NPNT: variants seen among roughly 807,000 people sequenced by gnomAD.
NPNT encodes nephronectin.
A neutral mutation model predicts 68.6 loss-of-function variants in NPNT; 45 were observed. The observed-to-expected ratio is 0.66, with a 90% CI of 0.52 to 0.84. The LOEUF is 0.84. Among genes scored for constraint, NPNT ranks in the 40% least tolerant of loss-of-function variants. The pLI, the probability that NPNT is intolerant of heterozygous loss-of-function variation, is 0.00. For missense variants in NPNT, 672 were observed against 714.8 expected (o/e 0.94, Z 0.68); for synonymous variants, 233 against 253.3 (o/e 0.92, Z 0.76).
intron 3 of NPNT, chr4:105,927,690 T>C (rs1209680851): frequency 1.0e-5 from 2 of 199,810 alleles, no homozygotes; most frequent in Admixed American, 5.5e-5. Flanking sequence ...ATCAGTAATT[T>C]AGAAGCCTTC....
At chr4:105,908,437 C>G (rs1399844770) in intron 2 of NPNT, among the ~76,000 whole-genome samples, 1 of 152,074 alleles carries the variant, frequency 6.6e-6, no homozygotes, top group Non-Finnish European at 1.5e-5. Flanking sequence ...TATTCACTTA[C>G]TCTGAAATGT....
chr4:105,936,838 G>A (rs1369360546), intron 3 of NPNT, among the ~76,000 whole-genome samples, 171 bp from the exon 4 acceptor site: 2 of 152,150 alleles, frequency 1.3e-5, no homozygotes, highest in African/African-American at 4.8e-5. Context: ...CTAGTGTAAC[G>A]TACCTTCAAA....
chr4:105,948,451 A>C (rs1284103966), intron 8 of NPNT, among the ~76,000 whole-genome samples: 3 of 152,138 alleles, frequency 2.0e-5, no homozygotes, highest in South Asian at 2.1e-4. Context: ...AATTGAGGGA[A>C]TATTCCCAGC....
chr4:105,895,840 A>C, intron 1 of NPNT, 117 bp downstream of exon 1: 3 of 902,332 alleles, frequency 3.3e-6, no homozygotes, highest in Non-Finnish European at 5.1e-6. Context: ...TCCATCCAGA[A>C]GTTGGGCCAC....
intron 2 of NPNT, among the ~76,000 whole-genome samples, chr4:105,925,642 C>G (rs1728624144): frequency 6.6e-6 from 1 of 152,174 alleles, no homozygotes; most frequent in Non-Finnish European, 1.5e-5. Context: ...TCAGGAGCTT[C>G]AAAATTCGGG....
At chr4:105,896,529 T>G (rs1241570658) in intron 1 of NPNT, among the ~76,000 whole-genome samples, 1 of 152,166 alleles carries the variant, frequency 6.6e-6, no homozygotes, top group Non-Finnish European at 1.5e-5. Context: ...AATTACAGAC[T>G]AGGCTCGTCC....
intron 7 of NPNT, among the ~76,000 whole-genome samples, chr4:105,941,132 A>C (rs1729917466): frequency 6.6e-6 from 1 of 152,060 alleles, no homozygotes; most frequent in African/African-American, 2.4e-5. Flanking sequence ...TGAGGGTAGG[A>C]GTTCAAGAGC....
In NPNT at chr4:105,971,325, A is replaced by T. The variant is rs1306042256; in HGVS notation, c.*2335A>T. 3.3e-6 allele frequency: 1 copy of T among 304,004 alleles called. No homozygotes were observed. The highest frequency in any genetic ancestry group is 6.9e-6 in the Non-Finnish European group (1 of 145,246). 18.8% of individuals were successfully genotyped at this position (304,004 alleles called of 1,614,324 possible). A position where few individuals can be genotyped will look rare whatever the true frequency, so the allele number is the denominator to read the frequency against. ...TAATATTTTTTGAACAATAGGTACAATAGAAGGTCTTCTGTCATTTAACCT... is the reference window on the plus strand; with the variant it reads ...TAATATTTTTTGAACAATAGGTACATTAGAAGGTCTTCTGTCATTTAACCT... On this transcript the variant is annotated 3_prime_UTR_variant, in exon 12 of 12. Coordinates refer to ENST00000379987, the MANE Select transcript of NPNT (RefSeq NM_001033047.3).
intron 6 of NPNT, 75 bp from the exon 7 acceptor site, chr4:105,940,438 TG>T: frequency 6.9e-7 from 1 of 1,439,434 alleles, no homozygotes; most frequent in Non-Finnish European, 9.6e-7. Flanking sequence ...AAATCATTTT[TG>T]AAACTGTATA....
chr4:105,908,829 C>T lies in NPNT; in HGVS notation c.172+10828C>T, dbSNP rs550903867. Reference sequence around the variant, plus strand: ...CTGCCCGCCTCAGCCTTCCAAAGTACTGGCATTACAGGTGTGAGCCACCGT... The same window carrying T: ...CTGCCCGCCTCAGCCTTCCAAAGTATTGGCATTACAGGTGTGAGCCACCGT... On this transcript the variant is annotated intron_variant, in intron 2 of 11. Coordinates refer to ENST00000379987, the MANE Select transcript of NPNT (RefSeq NM_001033047.3). Among the ~76,000 whole-genome samples the T allele has an allele frequency of 1.8e-4, 27 of 152,334 alleles. No homozygotes were observed. The South Asian group carries it at 2.5e-3, about 14-fold the overall frequency.
intron 2 of NPNT, among the ~76,000 whole-genome samples, chr4:105,910,526 G>T (rs144394876): frequency 0.019 from 2,852 of 152,066 alleles, 90 homozygotes; most frequent in African/African-American, 0.065. Flanking sequence ...TGTATGTAAG[G>T]CATTTATTTC....
Position 105,895,586 on chromosome 4 carries a change from C to G in NPNT, c.-67C>G. 1 of 1,316,236 alleles carries G rather than the reference C, an allele frequency of 7.6e-7. No individual in the cohort carries two copies. The highest frequency in any genetic ancestry group is 1.1e-6 in the Non-Finnish European group (1 of 942,178). The allele number at this position is 1,316,236 out of a possible 1,614,324, so 81.5% of individuals were successfully genotyped here. A position where few individuals can be genotyped will look rare whatever the true frequency, so the allele number is the denominator to read the frequency against. On this transcript the variant is annotated 5_prime_UTR_variant, in exon 1 of 12. In the 5' UTR this introduces an upstream ATG that the reference lacks. Transcript: ENST00000379987. ...AGACTCTCAGAGGGGCGCCTCCCAT[C>G]GGCGCCCACCACCCCAACCTGTTCC...
intron 2 of NPNT, among the ~76,000 whole-genome samples, chr4:105,910,717 A>T (rs1230763595): frequency 6.6e-6 from 1 of 152,154 alleles, no homozygotes; most frequent in African/African-American, 2.4e-5. Flanking sequence ...ACATTGGCTA[A>T]AATTTTATCT....
chr4:105,899,827 G>T (rs1726249139), intron 2 of NPNT, among the ~76,000 whole-genome samples: 1 of 152,136 alleles, frequency 6.6e-6, no homozygotes, highest in African/African-American at 2.4e-5. Flanking sequence ...ATCTTAGATG[G>T]CGCAAATGTC....
Position 105,942,610 on chromosome 4 carries a change from C to A in NPNT, c.1067C>A (p.Thr356Asn). ...TPERPTTGLT[T>N]IAPAASTPPG... is the part of the protein sequence containing the mutation. ...GAAAGGCCAACCACCGGACTGACAA[C>A]TATAGCACCAGCTGCCAGTACACCT... is the stretch of plus-strand genomic sequence containing the variant. Residue 356 changes from threonine (T) to asparagine (N), a missense_variant, in exon 8 of 12, where the codon ACT (threonine) becomes AAT (asparagine). Transcript: ENST00000379987. 6.2e-7 allele frequency: 1 copy of A among 1,614,074 alleles called. No homozygotes were observed. The highest frequency in any genetic ancestry group is 8.5e-7 in the Non-Finnish European group (1 of 1,179,994).
At chr4:105,932,559 C>A in intron 3 of NPNT, 3 of 1,240,930 alleles carry the variant, frequency 2.4e-6, no homozygotes, top group Non-Finnish European at 3.4e-6. Context: ...ATTTTTAGGG[C>A]TAAAATTGAC....
chr4:105,922,678 G>A (rs1383391683), intron 2 of NPNT, among the ~76,000 whole-genome samples: 3 of 152,072 alleles, frequency 2.0e-5, no homozygotes, highest in Non-Finnish European at 4.4e-5. Context: ...ACATTAAAGA[G>A]CTATGTTTGT....
chr4:105,926,288 A>C lies in NPNT; in HGVS notation c.173-1048A>C, dbSNP rs184018031. Among the ~76,000 whole-genome samples, 14 of 152,172 alleles carry C rather than the reference A, an allele frequency of 9.2e-5. No homozygotes were observed. The East Asian group carries it at 2.7e-3, about 29-fold the overall frequency. On this transcript the variant is annotated intron_variant, in intron 2 of 11. Transcript: ENST00000379987. ...TTTTGTATTTTTATCTCAATTGTAG[A>C]CTCCTTGAGACCAGTACCATGCTAT...
intron 2 of NPNT, among the ~76,000 whole-genome samples, chr4:105,907,704 A>G (rs573590303): frequency 6.6e-6 from 1 of 152,326 alleles, no homozygotes; most frequent in African/African-American, 2.4e-5. Context: ...TTGGGGTGCA[A>G]AATACACCAG....
Sources: allele counts gnomAD v4.1 joint callset (sites outside exome capture counted in the v4.1 genomes callset), GRCh38; gene constraint gnomAD v4.1.1; transcripts MANE v1.5; gene names NCBI Gene and HGNC (gene_info 2026-07-23, HGNC 2026-07-21).